Variants in AGMO observed in about 807,000 individuals in gnomAD.
AGMO encodes the protein alkylglycerol monooxygenase.
A neutral mutation model predicts 60.2 loss-of-function variants in AGMO; 75 were observed. The observed-to-expected ratio is 1.25, with a 90% confidence interval of 1.03 to 1.51. The LOEUF (loss-of-function observed/expected upper bound fraction) is 1.51, where lower values mean the gene tolerates loss of function less well. AGMO is among the 40% of genes most tolerant of loss of function. The probability of loss-of-function intolerance (pLI) is 0.00; values close to 1 mark genes in which losing one functional copy is unlikely to be tolerated. For missense variants in AGMO, 763 were observed against 525.5 expected, an observed-to-expected ratio of 1.45 and a Z score of -4.42; for synonymous variants, 261 against 177.1, an observed-to-expected ratio of 1.47 and a Z score of -3.76.
rs765670837 is a variant in AGMO, at chr7:15,418,643, G to C, written c.524C>G (p.Ser175Cys). ...LQIYTSWIFY[S>C]PLALFIPPSV... Reference sequence around the variant, plus strand: ...AGGGGGTATGAAGAGGGCCAGGGGAGAGTAGAAAATCTGAAAGAAAAAATT... The same window carrying C: ...AGGGGGTATGAAGAGGGCCAGGGGACAGTAGAAAATCTGAAAGAAAAAATT... Residue 175 changes from serine to cysteine, a missense_variant, in exon 5 of 13, where the codon TCT becomes TGT. Transcript: ENST00000342526. 3 of 1,554,674 alleles carry C rather than the reference G, an allele frequency of 1.9e-6. No individual in the cohort carries two copies. Among genetic ancestry groups the C allele is most frequent in the Non-Finnish European group, 2.6e-6 (3 of 1,156,018 alleles).
At chr7:15,270,130 T>C (rs865807572) in intron 12 of AGMO, among the ~76,000 whole-genome samples, 3 of 152,112 alleles carry the variant, frequency 2.0e-5, no homozygotes, top group Non-Finnish European at 4.4e-5. Flanking sequence ...GATACCCCCA[T>C]GGTGGGATTG....
At chr7:15,290,578 TA>T (rs1784234572) in intron 12 of AGMO, among the ~76,000 whole-genome samples, 1 of 152,132 alleles carries the variant, frequency 6.6e-6, no homozygotes, top group Non-Finnish European at 1.5e-5. Context: ...ATCTTGAACA[TA>T]AGGAACAGGG....
intron 3 of AGMO, among the ~76,000 whole-genome samples, chr7:15,460,320 C>G (rs1782112854): frequency 6.6e-6 from 1 of 151,950 alleles, no homozygotes; most frequent in African/African-American, 2.4e-5. Context: ...AACTCCTGAC[C>G]TCAAGTCATC....
chr7:15,479,164 A>G (rs1044132974), intron 3 of AGMO, among the ~76,000 whole-genome samples: 1 of 152,302 alleles, frequency 6.6e-6, no homozygotes. Context: ...CGGACATTAA[A>G]TATGATATAA....
intron 12 of AGMO, among the ~76,000 whole-genome samples, chr7:15,266,880 T>C (rs1368026450): frequency 6.6e-6 from 1 of 151,966 alleles, no homozygotes; most frequent in Non-Finnish European, 1.5e-5. Flanking sequence ...ATAAAGGACC[T>C]ACTACTATCA....
chr7:15,191,157 C>G, the AGMO span, among the ~76,000 whole-genome samples: 2 of 152,088 alleles, frequency 1.3e-5, no homozygotes, highest in East Asian at 1.9e-4. Flanking sequence ...CATAAAATTT[C>G]TATTTTAAAT....
chr7:15,379,215 G>C (rs1302668696), intron 10 of AGMO, among the ~76,000 whole-genome samples: 5 of 151,856 alleles, frequency 3.3e-5, no homozygotes, highest in African/African-American at 1.2e-4. Context: ...AATAACTAGA[G>C]AAATCAAGAG....
the AGMO span, among the ~76,000 whole-genome samples, chr7:15,125,486 C>T: frequency 1.3e-5 from 2 of 152,092 alleles, no homozygotes; most frequent in African/African-American, 4.8e-5. Flanking sequence ...TAACTTCCAA[C>T]TTTTTGAAGT....
At chr7:15,453,983 C>A (rs1781925225) in intron 3 of AGMO, among the ~76,000 whole-genome samples, 1 of 146,104 alleles carries the variant, frequency 6.8e-6, no homozygotes, top group Admixed American at 6.9e-5. Flanking sequence ...ATATTATATA[C>A]CTAATATATA....
chr7:15,161,537 T>G, the AGMO span, among the ~76,000 whole-genome samples: 2 of 151,698 alleles, frequency 1.3e-5, no homozygotes, highest in Admixed American at 1.3e-4. Flanking sequence ...ATGGATCATA[T>G]ATGCATTAAT....
chr7:15,230,117 TA>T (rs1245595696), intron 12 of AGMO, among the ~76,000 whole-genome samples: 2 of 151,856 alleles, frequency 1.3e-5, no homozygotes, highest in Non-Finnish European at 2.9e-5. Flanking sequence ...CTTTCCCCAT[TA>T]AAGGACTTAC....
intron 3 of AGMO, among the ~76,000 whole-genome samples, chr7:15,452,861 G>A (rs1447710335): frequency 6.6e-6 from 1 of 152,060 alleles, no homozygotes; most frequent in African/African-American, 2.4e-5. Flanking sequence ...AATAAATTGT[G>A]GTATATCTAT....
chr7:15,383,320 C>T (rs531129059), intron 10 of AGMO, among the ~76,000 whole-genome samples: 2 of 152,170 alleles, frequency 1.3e-5, no homozygotes, highest in South Asian at 2.1e-4. Flanking sequence ...ATTATTTGCC[C>T]TCTTGGGTCC....
the AGMO span, among the ~76,000 whole-genome samples, chr7:15,128,551 G>T: frequency 1.3e-5 from 2 of 151,820 alleles, no homozygotes; most frequent in African/African-American, 4.8e-5. Context: ...TTGAAGACAA[G>T]ATTATTTCTT....
chr7:15,387,947 G>A (rs1009928749), intron 8 of AGMO, among the ~76,000 whole-genome samples: 8 of 136,188 alleles, frequency 5.9e-5, no homozygotes, highest in Non-Finnish European at 1.1e-4. Flanking sequence ...TCGCTCTGTT[G>A]CCCAGGCTGG....
At chr7:15,380,697 A>C (rs1340392506) in intron 10 of AGMO, among the ~76,000 whole-genome samples, 1 of 152,190 alleles carries the variant, frequency 6.6e-6, no homozygotes, top group African/African-American at 2.4e-5. Flanking sequence ...ATGCACATGG[A>C]ACCAATAAAA....
At chr7:15,481,215 A>T (rs577111284) in intron 3 of AGMO, among the ~76,000 whole-genome samples, 12 of 152,284 alleles carry the variant, frequency 7.9e-5, no homozygotes, top group African/African-American at 2.2e-4. Context: ...TGACATTTTT[A>T]ATACAAAATG....
At chr7:15,221,191 T>C (rs956721577) in intron 12 of AGMO, among the ~76,000 whole-genome samples, 2 of 152,138 alleles carry the variant, frequency 1.3e-5, no homozygotes, top group East Asian at 1.9e-4. Flanking sequence ...TTCTGGATAT[T>C]GAGGACATGT....
At chr7:15,346,074 G>C (rs1782021469) in intron 12 of AGMO, among the ~76,000 whole-genome samples, 1 of 152,118 alleles carries the variant, frequency 6.6e-6, no homozygotes, top group Non-Finnish European at 1.5e-5. Flanking sequence ...TTAGTATCAA[G>C]AAAATGCTGA....
Sources: allele counts gnomAD v4.1 joint callset (sites outside exome capture counted in the v4.1 genomes callset), GRCh38; gene constraint gnomAD v4.1.1; transcripts MANE v1.5; gene names NCBI Gene and HGNC (gene_info 2026-07-23, HGNC 2026-07-21).